Variants in LIPI observed in about 807,000 individuals in gnomAD.
LIPI encodes the protein lipase I.
In LIPI, 59 loss-of-function variants were observed where a neutral mutation model predicts 50.6. The observed-to-expected ratio is 1.16, with a 90% CI of 0.94 to 1.45. The LOEUF (loss-of-function observed/expected upper bound fraction) is 1.45, where lower values mean the gene tolerates loss of function less well. Ranked by LOEUF, LIPI falls within the 40% of genes most tolerant of loss-of-function variation. LIPI has a pLI of 0.00. For missense variants in LIPI, 586 were observed against 536.3 expected (o/e 1.09, Z -0.92); for synonymous variants, 203 against 178.2 (o/e 1.14, Z -1.11).
At position 14,181,913 on chromosome 21, in the gene LIPI, A is replaced by G. The variant is rs191379002; in HGVS notation, c.542-54T>C. On this transcript the variant is annotated intron_variant, in intron 3 of 9. Coordinates refer to ENST00000681601, the MANE Select transcript of LIPI (RefSeq NM_001302998.2). ...TCATCAAGTCCACAGAGCTCCTTAC[A>G]TTGCATACTTCCATTATTACTGCAT... 686 of 896,612 alleles carry G rather than the reference A, an allele frequency of 7.7e-4. 2 individuals are homozygous for G. The Middle Eastern group carries it at 8.5e-3, about 11-fold the overall frequency. 55.5% of individuals were successfully genotyped at this position (896,612 alleles called of 1,614,324 possible).
At chr21:14,152,439 C>G (rs781038806) in intron 8 of LIPI, 134 bp downstream of exon 8, 35 of 596,998 alleles carry the variant, frequency 5.9e-5, no homozygotes, top group Non-Finnish European at 1.0e-4. Flanking sequence ...CATATGAGAT[C>G]CTTTTAATAT....
intron 2 of LIPI, among the ~76,000 whole-genome samples, chr21:14,187,352 C>T (rs1279965243): frequency 2.6e-5 from 4 of 152,094 alleles, no homozygotes; most frequent in African/African-American, 4.8e-5. Context: ...GGAGCGCTTG[C>T]CACTAATGAA....
At chr21:14,140,911 C>T (rs1600854263) in intron 9 of LIPI, among the ~76,000 whole-genome samples, 2 of 152,150 alleles carry the variant, frequency 1.3e-5, no homozygotes, top group East Asian at 3.8e-4. Flanking sequence ...CAAGCAACAT[C>T]TACCTTAGAT....
At chr21:14,196,535 A>G (rs1057114804) in intron 1 of LIPI, among the ~76,000 whole-genome samples, 2 of 152,000 alleles carry the variant, frequency 1.3e-5, no homozygotes, top group East Asian at 1.9e-4. Flanking sequence ...TATTTTTTCA[A>G]AACTCATTAG....
intron 9 of LIPI, among the ~76,000 whole-genome samples, chr21:14,117,785 T>C (rs757594790): frequency 5.3e-5 from 8 of 152,136 alleles, no homozygotes; most frequent in Non-Finnish European, 1.2e-4. Flanking sequence ...TTTGAAGGTA[T>C]GAACATTCCC....
intron 1 of LIPI, among the ~76,000 whole-genome samples, chr21:14,201,514 T>A (rs1237248079): frequency 6.6e-6 from 1 of 152,136 alleles, no homozygotes; most frequent in Admixed American, 6.6e-5. Context: ...ATCCCTGGCA[T>A]GCAAGGCTGG....
intron 9 of LIPI, among the ~76,000 whole-genome samples, chr21:14,142,505 A>G (rs938783123): frequency 1.3e-5 from 2 of 150,226 alleles, no homozygotes; most frequent in African/African-American, 4.9e-5. Flanking sequence ...TGTTGTTGAG[A>G]CAGTGTCCTG....
intron 4 of LIPI, among the ~76,000 whole-genome samples, chr21:14,176,094 C>G (rs431101): frequency 0.14 from 20,731 of 150,154 alleles, 1,889 homozygotes; most frequent in Non-Finnish European, 0.2. Flanking sequence ...AGGAGAATGG[C>G]GTGAACCCGG....
intron 9 of LIPI, among the ~76,000 whole-genome samples, chr21:14,143,111 A>G (rs377176051): frequency 2.0e-5 from 3 of 152,218 alleles, no homozygotes; most frequent in East Asian, 3.9e-4. Context: ...GTAGCCCTTT[A>G]CCATTAAAAG....
chr21:14,164,361 A>G (rs1398759643), intron 6 of LIPI, among the ~76,000 whole-genome samples: 1 of 152,134 alleles, frequency 6.6e-6, no homozygotes, highest in Non-Finnish European at 1.5e-5. Flanking sequence ...AAGAAAACTA[A>G]TCCCACATGG....
intron 7 of LIPI, among the ~76,000 whole-genome samples, chr21:14,162,978 C>T (rs1319147306): frequency 6.6e-6 from 1 of 151,496 alleles, no homozygotes; most frequent in Non-Finnish European, 1.5e-5. Flanking sequence ...TCTTCTTCTA[C>T]AAGTTTTCTC....
intron 9 of LIPI, among the ~76,000 whole-genome samples, chr21:14,137,679 A>C (rs2017553644): frequency 6.6e-6 from 1 of 152,216 alleles, no homozygotes; most frequent in Non-Finnish European, 1.5e-5. Context: ...ATTCAAAGGG[A>C]TAATAACTGA....
intron 9 of LIPI, among the ~76,000 whole-genome samples, chr21:14,142,379 A>C (rs1205689069): frequency 6.6e-6 from 1 of 151,514 alleles, no homozygotes; most frequent in Non-Finnish European, 1.5e-5. Context: ...CCTAAAGGAA[A>C]TAAACAAAAA....
chr21:14,126,935 AC>A (rs2017090480), intron 9 of LIPI, among the ~76,000 whole-genome samples: 1 of 152,148 alleles, frequency 6.6e-6, no homozygotes, highest in Non-Finnish European at 1.5e-5. Flanking sequence ...TGATTATATA[AC>A]TCTTTGTATG....
Position 14,117,947 on chromosome 21 carries a change from T to C in LIPI, c.1296-8867A>G, listed in dbSNP as rs949910296. 1.2e-4 allele frequency among the ~76,000 whole-genome samples: 19 copies of C among 152,002 alleles called. 2 individuals are homozygous for C. The highest frequency in any genetic ancestry group is 1.2e-3 in the South Asian group (6 of 4,816). ...TTTGCAAGAGGACATGAATGTGTCATGGATGTGGTCACAGTAGAGGACAAG... is the reference window on the plus strand; with the variant it reads ...TTTGCAAGAGGACATGAATGTGTCACGGATGTGGTCACAGTAGAGGACAAG... On this transcript the variant is annotated intron_variant, in intron 9 of 9. Coordinates refer to ENST00000681601, the MANE Select transcript of LIPI (RefSeq NM_001302998.2).
At position 14,198,039 on chromosome 21, in the gene LIPI, G is replaced by T. The variant is rs115739553; in HGVS notation, c.47-8620C>A. Among the ~76,000 whole-genome samples the T allele has an allele frequency of 3.6e-3, 548 of 152,146 alleles. 1 individual carries two copies. The highest frequency in any genetic ancestry group is 0.012 in the African/African-American group (499 of 41,506). On this transcript the variant is annotated intron_variant, in intron 1 of 9. Coordinates refer to ENST00000681601, the MANE Select transcript of LIPI (RefSeq NM_001302998.2). ...CAAACTAAGCTTCATAAGCAAAAGAGATATAAGATCTTTTTCAGACAAGCA... is the reference window on the plus strand; with the variant it reads ...CAAACTAAGCTTCATAAGCAAAAGATATATAAGATCTTTTTCAGACAAGCA...
At chr21:14,166,779 TGGTGCAGAAGGCA>T (rs1027739888) in intron 4 of LIPI, among the ~76,000 whole-genome samples, 29 of 152,034 alleles carry the variant, frequency 1.9e-4, no homozygotes, top group Admixed American at 6.6e-5. Flanking sequence ...CCAGTGTGAG[TGGTGCAGAAGGCA>T]GGTGCAGAAG....
At chr21:14,114,407 C>G (rs889804714) in intron 9 of LIPI, among the ~76,000 whole-genome samples, 1 of 151,950 alleles carries the variant, frequency 6.6e-6, no homozygotes, top group Non-Finnish European at 1.5e-5. Context: ...TAGAAAAGAC[C>G]CACAAAGTGC....
intron 1 of LIPI, among the ~76,000 whole-genome samples, chr21:14,198,063 C>T (rs1171916893): frequency 6.6e-6 from 1 of 152,030 alleles, no homozygotes; most frequent in Non-Finnish European, 1.5e-5. Flanking sequence ...TTCAGACAAG[C>T]AAAGGCTGAG....
Sources: gnomAD v4.1 joint callset for allele counts (sites outside exome capture counted in the v4.1 genomes callset) on GRCh38, gnomAD v4.1.1 for gene constraint, MANE v1.5 for transcripts, NCBI Gene and HGNC (gene_info 2026-07-23, HGNC 2026-07-21) for gene names.